LRMDA: variants seen among roughly 807,000 people sequenced by gnomAD.
LRMDA encodes leucine rich melanocyte differentiation associated, also known as leucine-rich melanocyte differentiation-associated protein.
A neutral mutation model predicts 29.8 loss-of-function variants in LRMDA; 18 were observed. That is an observed-to-expected ratio of 0.60 (90% CI 0.42 to 0.90). The LOEUF is 0.90. LRMDA is among the 40% of genes least tolerant of loss of function. LRMDA has a pLI of 0.00. For synonymous variants in LRMDA, 125 were observed against 109.4 expected, an observed-to-expected ratio of 1.14 and a Z score of -0.89; for missense variants, 273 against 273.9, an observed-to-expected ratio of 1.00 and a Z score of 0.02.
intron 2 of LRMDA, among the ~76,000 whole-genome samples, chr10:75,599,107 T>G (rs907829019): frequency 6.6e-6 from 1 of 151,870 alleles, no homozygotes; most frequent in Non-Finnish European, 1.5e-5. Context: ...GTAAAAAAAT[T>G]AATCTAAGAT....
At chr10:76,377,567 A>G (rs962131438) in intron 6 of LRMDA, among the ~76,000 whole-genome samples, 10 of 152,152 alleles carry the variant, frequency 6.6e-5, no homozygotes, top group African/African-American at 2.4e-4. Flanking sequence ...CTGGTGAGAC[A>G]TATGGGTCCA....
intron 5 of LRMDA, among the ~76,000 whole-genome samples, chr10:76,165,416 C>T (rs923717693): frequency 3.3e-5 from 5 of 152,140 alleles, no homozygotes; most frequent in African/African-American, 1.2e-4. Context: ...GGACTACAGG[C>T]ATGCACGTCC....
chr10:75,717,097 TAC>T (rs1842510280), intron 2 of LRMDA, among the ~76,000 whole-genome samples: 1 of 152,162 alleles, frequency 6.6e-6, no homozygotes, highest in African/African-American at 2.4e-5. Context: ...CTCAGATCCT[TAC>T]AGGGCTTCCT....
intron 6 of LRMDA, among the ~76,000 whole-genome samples, chr10:76,539,039 G>T (rs1242225043): frequency 6.6e-6 from 1 of 152,064 alleles, no homozygotes; most frequent in Non-Finnish European, 1.5e-5. Context: ...GATTTAGTCA[G>T]TTGGTCTATT....
intron 6 of LRMDA, among the ~76,000 whole-genome samples, chr10:76,521,037 TAC>T (rs1381450858): frequency 3.9e-5 from 6 of 152,310 alleles, no homozygotes; most frequent in African/African-American, 1.4e-4. Context: ...TTCATATGAA[TAC>T]ATAGTTGTAA....
intron 2 of LRMDA, among the ~76,000 whole-genome samples, chr10:75,668,160 C>G (rs71473789): frequency 6.6e-6 from 1 of 152,140 alleles, no homozygotes; most frequent in African/African-American, 2.4e-5. Flanking sequence ...TGTACCATAC[C>G]TGCCTGGATC....
At chr10:76,228,129 C>T (rs1057446234) in intron 5 of LRMDA, among the ~76,000 whole-genome samples, 2 of 151,382 alleles carry the variant, frequency 1.3e-5, no homozygotes, top group South Asian at 4.2e-4. Context: ...TCAAGTGATT[C>T]TCCTGCCTCA....
chr10:76,208,069 C>A (rs1851569707), intron 5 of LRMDA, among the ~76,000 whole-genome samples: 1 of 152,130 alleles, frequency 6.6e-6, no homozygotes, highest in South Asian at 2.1e-4. Context: ...TACGTTTATT[C>A]CCAAACTTGT....
chr10:76,276,006 AATCT>A (rs3066426), intron 5 of LRMDA, among the ~76,000 whole-genome samples: 39,060 of 146,608 alleles, frequency 0.27, 5,009 homozygotes, highest in Admixed American at 0.31. Flanking sequence ...CAATCTAGTG[AATCT>A]ATCTATCTAT....
chr10:76,324,345 T>C, intron 5 of LRMDA, 56 bp from the exon 6 acceptor site: 1 of 1,402,104 alleles, frequency 7.1e-7, no homozygotes, highest in Non-Finnish European at 1.0e-6. Context: ...TAAATGAGGG[T>C]ATTTGGTATT....
chr10:76,154,136 CT>C (rs1443311975), intron 5 of LRMDA, among the ~76,000 whole-genome samples: 1 of 152,186 alleles, frequency 6.6e-6, no homozygotes, highest in Non-Finnish European at 1.5e-5. Flanking sequence ...AACCCCTTTT[CT>C]TTCTTGATCA....
chr10:76,249,014 A>G (rs1028829814), intron 5 of LRMDA, among the ~76,000 whole-genome samples: 1 of 152,204 alleles, frequency 6.6e-6, no homozygotes, highest in Admixed American at 6.5e-5. Flanking sequence ...AACTCTGTAC[A>G]CAAAGATCAG....
At chr10:76,411,507 C>A (rs1406615691) in intron 6 of LRMDA, among the ~76,000 whole-genome samples, 1 of 152,228 alleles carries the variant, frequency 6.6e-6, no homozygotes, top group Non-Finnish European at 1.5e-5. Flanking sequence ...GACATTATTT[C>A]CCTAAAGGGA....
At chr10:76,051,408 TG>T (rs1248268572) in intron 4 of LRMDA, among the ~76,000 whole-genome samples, 1 of 152,222 alleles carries the variant, frequency 6.6e-6, no homozygotes, top group Non-Finnish European at 1.5e-5. Context: ...GAAAATCAGC[TG>T]GCCTCTGCCA....
At chr10:75,855,029 C>T (rs1261896314) in intron 2 of LRMDA, among the ~76,000 whole-genome samples, 20 of 152,142 alleles carry the variant, frequency 1.3e-4, no homozygotes, top group Non-Finnish European at 2.2e-4. Flanking sequence ...AATAAACATA[C>T]GTGTGCATGT....
At chr10:75,880,419 T>C (rs1486376549) in intron 2 of LRMDA, among the ~76,000 whole-genome samples, 1 of 152,212 alleles carries the variant, frequency 6.6e-6, no homozygotes, top group Non-Finnish European at 1.5e-5. Context: ...ATTTTACAAA[T>C]TTCTGTGTAA....
rs189191953 is a variant in LRMDA, at chr10:76,079,313, G to C, written c.516+20530G>C. Among the ~76,000 whole-genome samples, 192 of 152,332 alleles carry C rather than the reference G, an allele frequency of 1.3e-3. 2 individuals carry two copies. Among genetic ancestry groups the C allele is most frequent in the Non-Finnish European group, 2.2e-3 (152 of 68,036 alleles). ...TTTTAGATTGCCGTTTGATCTGACTGTGGAGGGAAGAATGATAGAGAGTTG... is the reference window on the plus strand; with the variant it reads ...TTTTAGATTGCCGTTTGATCTGACTCTGGAGGGAAGAATGATAGAGAGTTG... On this transcript the variant is annotated intron_variant, in intron 5 of 6. Transcript: ENST00000611255.
intron 2 of LRMDA, among the ~76,000 whole-genome samples, chr10:75,720,724 C>G (rs1410373300): frequency 6.6e-6 from 1 of 152,172 alleles, no homozygotes; most frequent in Non-Finnish European, 1.5e-5. Flanking sequence ...TTAATCACAG[C>G]TCGCATCTAC....
intron 2 of LRMDA, among the ~76,000 whole-genome samples, chr10:75,862,844 A>AG (rs1353942426): frequency 2.6e-5 from 4 of 152,200 alleles, no homozygotes; most frequent in African/African-American, 9.7e-5. Context: ...TTTGCATATT[A>AG]GCATGGTGTC....
Sources: gnomAD v4.1 joint callset for allele counts (sites outside exome capture counted in the v4.1 genomes callset) on GRCh38, gnomAD v4.1.1 for gene constraint, MANE v1.5 for transcripts, NCBI Gene and HGNC (gene_info 2026-07-23, HGNC 2026-07-21) for gene names.